SLC6A11: variants seen among roughly 807,000 people sequenced by gnomAD.
The protein encoded by SLC6A11 is sodium- and chloride-dependent GABA transporter 3.
A neutral mutation model predicts 74.8 loss-of-function variants in SLC6A11; 25 were observed. The observed-to-expected ratio is 0.33, with a 90% confidence interval of 0.24 to 0.47. SLC6A11 has a LOEUF of 0.47. Ranked by LOEUF, SLC6A11 falls within the 20% of genes least tolerant of loss-of-function variation. The pLI is 1.00. For synonymous variants in SLC6A11, 330 were observed against 330.2 expected (o/e 1.00, Z 0.01); for missense variants, 574 against 837.0 (o/e 0.69, Z 3.88).
chr3:10,887,514 C>T (rs182043029), intron 6 of SLC6A11, among the ~76,000 whole-genome samples: 8 of 152,194 alleles, frequency 5.3e-5, no homozygotes, highest in Non-Finnish European at 1.2e-4. Flanking sequence ...GGCCTGATCT[C>T]GGCTCACTGC....
chr3:10,845,097 T>G (rs1021015951), intron 5 of SLC6A11, among the ~76,000 whole-genome samples: 3 of 152,198 alleles, frequency 2.0e-5, no homozygotes, highest in African/African-American at 7.2e-5. Context: ...CCAACTCACT[T>G]CTGTGTTTAC....
chr3:10,891,241 T>C (rs1291760831), intron 6 of SLC6A11, among the ~76,000 whole-genome samples: 2 of 152,234 alleles, frequency 1.3e-5, no homozygotes, highest in Non-Finnish European at 2.9e-5. Context: ...TTCCTTAAAA[T>C]GGATTTAAAA....
intron 6 of SLC6A11, among the ~76,000 whole-genome samples, chr3:10,889,028 G>T (rs1270535962): frequency 6.6e-6 from 1 of 151,998 alleles, no homozygotes; most frequent in Non-Finnish European, 1.5e-5. Context: ...TTTAAGTGGG[G>T]GAGGATCTTT....
At chr3:10,933,067 G>T in intron 10 of SLC6A11, 84 bp from the exon 11 acceptor site, 1 of 902,794 alleles carries the variant, frequency 1.1e-6, no homozygotes. Flanking sequence ...CAGAGAGAGG[G>T]ACCTTCCTGA....
intron 5 of SLC6A11, among the ~76,000 whole-genome samples, chr3:10,852,039 T>G (rs1694582902): frequency 6.6e-6 from 1 of 151,186 alleles, no homozygotes; most frequent in African/African-American, 2.4e-5. Flanking sequence ...AAAGCAGGAG[T>G]AGAGGGGGAC....
At chr3:10,888,395 G>A (rs1365701013) in intron 6 of SLC6A11, among the ~76,000 whole-genome samples, 1 of 152,250 alleles carries the variant, frequency 6.6e-6, no homozygotes, top group East Asian at 1.9e-4. Context: ...TGGCAAGGAA[G>A]AATCTGACTG....
chr3:10,905,970 C>A (rs977099460), intron 6 of SLC6A11, among the ~76,000 whole-genome samples: 4 of 152,148 alleles, frequency 2.6e-5, no homozygotes, highest in African/African-American at 9.7e-5. Flanking sequence ...TGATGATGAT[C>A]AAATATATGT....
chr3:10,866,277 A>G (rs773807688), intron 5 of SLC6A11, among the ~76,000 whole-genome samples: 1 of 152,154 alleles, frequency 6.6e-6, no homozygotes. Context: ...TGGCACCTTC[A>G]TTTCTATCTT....
chr3:10,905,279 A>T (rs935852421), intron 6 of SLC6A11, among the ~76,000 whole-genome samples: 1 of 152,252 alleles, frequency 6.6e-6, no homozygotes, highest in Non-Finnish European at 1.5e-5. Flanking sequence ...GTTTGCAACC[A>T]AGTCACTTGG....
At position 10,939,652 on chromosome 3, in the gene SLC6A11, C is replaced by T. The variant is rs1695802048; in HGVS notation, c.*1250C>T. The T allele has an allele frequency of 6.6e-6, 1 of 152,286 alleles. No individual in the cohort carries two copies. Among genetic ancestry groups the T allele is most frequent in the African/African-American group, 2.4e-5 (1 of 41,444 alleles). 9.4% of individuals were successfully genotyped at this position (152,286 alleles called of 1,614,324 possible). A position where few individuals can be genotyped will look rare whatever the true frequency, so the allele number is the denominator to read the frequency against. On this transcript the variant is annotated 3_prime_UTR_variant, in exon 14 of 14. Coordinates refer to ENST00000254488, the MANE Select transcript of SLC6A11 (RefSeq NM_014229.3). The stretch of plus-strand genomic sequence containing the variant: ...GCCCCTGGTTCAGGAGCCATTCTAC[C>T]TGCCTCAGTGGCCAGGCGCAAGGCT...
intron 5 of SLC6A11, among the ~76,000 whole-genome samples, chr3:10,873,785 A>G (rs568258712): frequency 0.031 from 4,526 of 146,966 alleles, 242 homozygotes; most frequent in African/African-American, 0.11. Flanking sequence ...GTCCTGTCCT[A>G]TCCTATCCTA....
intron 3 of SLC6A11, 53 bp downstream of exon 3, chr3:10,819,905 G>A: frequency 6.3e-7 from 1 of 1,596,440 alleles, no homozygotes; most frequent in Non-Finnish European, 8.5e-7. Context: ...CCTGGGATTG[G>A]GGTTTGTTCA....
intron 4 of SLC6A11, among the ~76,000 whole-genome samples, chr3:10,842,171 C>T (rs1169608441): frequency 6.6e-6 from 1 of 152,222 alleles, no homozygotes; most frequent in Non-Finnish European, 1.5e-5. Context: ...CCTTCGGTAA[C>T]TTCTCAAGGG....
At chr3:10,912,766 G>C (rs534420342) in intron 7 of SLC6A11, among the ~76,000 whole-genome samples, 120 of 152,268 alleles carry the variant, frequency 7.9e-4, no homozygotes, top group African/African-American at 2.7e-3. Flanking sequence ...GAGTTCTACA[G>C]CAAGGCTGAG....
intron 6 of SLC6A11, among the ~76,000 whole-genome samples, chr3:10,895,022 A>AT (rs1695153937): frequency 6.6e-6 from 1 of 152,184 alleles, no homozygotes; most frequent in Non-Finnish European, 1.5e-5. Context: ...CAGCTGAGTG[A>AT]TCCCCCAGGG....
At position 10,938,434 on chromosome 3, in the gene SLC6A11, TTTC is replaced by T. The variant is rs781053348; in HGVS notation, c.*36_*38del. ...ACCAGCCATCTGGGGCTCTTCTTCC[TTTC>T]TTCCCCCCGTGTATGTAAATGAATT... On this transcript the variant is annotated 3_prime_UTR_variant, in exon 14 of 14. Coordinates refer to ENST00000254488, the MANE Select transcript of SLC6A11 (RefSeq NM_014229.3). 4.5e-6 allele frequency: 7 copies of T among 1,560,344 alleles called. No individual in the cohort carries two copies. In the South Asian group the frequency reaches 8.2e-5, roughly 18 times the overall value.
chr3:10,898,891 AAG>A (rs1695203252), intron 6 of SLC6A11, among the ~76,000 whole-genome samples: 1 of 152,254 alleles, frequency 6.6e-6, no homozygotes, highest in Admixed American at 6.5e-5. Context: ...TTACAAAAGA[AAG>A]AGGTTTATTG....
intron 6 of SLC6A11, among the ~76,000 whole-genome samples, chr3:10,907,568 A>G (rs545517325): frequency 6.6e-6 from 1 of 152,370 alleles, no homozygotes; most frequent in Non-Finnish European, 1.5e-5. Flanking sequence ...ATCAACACAG[A>G]TTAGTCACTG....
At position 10,933,224 on chromosome 3, in the gene SLC6A11, T is replaced by C. The variant is rs376576191; in HGVS notation, c.1445T>C (p.Phe482Ser). The change falls in exon 11 of 14, where the codon TTT (phenylalanine) becomes TCT (serine). Residue 482 changes from phenylalanine to serine, a missense_variant. Around this residue, in one of 4 missense-constraint regions of SLC6A11, gnomAD observed 257 missense variants for 341.5 expected, o/e 0.75. Coordinates refer to ENST00000254488, the MANE Select transcript of SLC6A11 (RefSeq NM_014229.3). ...ATGTGCCTTCTCTTCGTGGCCATCT[T>C]TGAGTGCATCTGCATCGGCTGGGTG... ...SGMCLLFVAI[F>S]ECICIGWVYG... 2.5e-6 allele frequency: 4 copies of C among 1,613,934 alleles called. No individual in the cohort carries two copies. Among genetic ancestry groups the C allele is most frequent in the Non-Finnish European group, 2.5e-6 (3 of 1,179,958 alleles).
Sources: allele counts gnomAD v4.1 joint callset (sites outside exome capture counted in the v4.1 genomes callset), GRCh38; gene constraint gnomAD v4.1.1; regional missense constraint gnomAD v4.1.1; transcripts MANE v1.5; gene names NCBI Gene and HGNC (gene_info 2026-07-23, HGNC 2026-07-21).